Variants in CCDC25 observed in about 807,000 individuals in gnomAD.
CCDC25 encodes the protein coiled-coil domain containing 25.
CCDC25 carries 16 observed loss-of-function variants against 35.3 expected under a neutral mutation model. That is an observed-to-expected ratio of 0.45 (90% CI 0.31 to 0.69). CCDC25 has a LOEUF of 0.69. CCDC25 is among the 30% of genes least tolerant of loss of function. The pLI, the probability that CCDC25 is intolerant of heterozygous loss-of-function variation, is 0.06. For synonymous variants in CCDC25, 79 were observed against 80.3 expected, an observed-to-expected ratio of 0.98 and a Z score of 0.09; for missense variants, 179 against 250.7, an observed-to-expected ratio of 0.71 and a Z score of 1.93.
At chr8:27,764,951 C>T (rs1271428608) in intron 2 of CCDC25, among the ~76,000 whole-genome samples, 1 of 152,204 alleles carries the variant, frequency 6.6e-6, no homozygotes, top group Non-Finnish European at 1.5e-5. Flanking sequence ...CATATTAACA[C>T]TTGAGTTTTA....
At position 27,737,333 on chromosome 8, in the gene CCDC25, C is replaced by T. The variant is rs1803269309; in HGVS notation, c.598-1088G>A. The stretch of plus-strand genomic sequence containing the variant: ...AAGAGTCATTTAGTATCTTCAAATG[C>T]CAGCTTTAGATCCCAAACACTGAGG... On this transcript the variant is annotated intron_variant, in intron 8 of 8. Transcript: ENST00000356537. The surrounding 1 kb of genome is among the most constrained non-coding windows in gnomAD (Gnocchi z 4.6). Among the ~76,000 whole-genome samples the T allele has an allele frequency of 6.6e-6, 1 of 152,134 alleles. No individual in the cohort carries two copies. Among genetic ancestry groups the T allele is most frequent in the African/African-American group, 2.4e-5 (1 of 41,426 alleles).
At chr8:27,764,526 G>A (rs897892622) in intron 2 of CCDC25, 8 of 341,436 alleles carry the variant, frequency 2.3e-5, no homozygotes, top group Non-Finnish European at 4.1e-5. Context: ...TGATCCTCTC[G>A]CCTCAGCCTG....
At chr8:27,771,852 GAAT>G (rs1804630793) in intron 1 of CCDC25, 1 of 152,184 alleles carries the variant, frequency 6.6e-6, no homozygotes, top group African/African-American at 2.4e-5. Flanking sequence ...TAGGAAAGGG[GAAT>G]AACAGGAACA....
chr8:27,736,772 A>C (rs1803245187), intron 8 of CCDC25, among the ~76,000 whole-genome samples: 1 of 152,188 alleles, frequency 6.6e-6, no homozygotes, highest in African/African-American at 2.4e-5. Context: ...TAGTTTACCA[A>C]CTTAGTTGGT....
intron 5 of CCDC25, 44 bp from the exon 6 acceptor site, chr8:27,748,642 G>A: frequency 1.4e-6 from 2 of 1,413,494 alleles, no homozygotes; most frequent in South Asian, 1.2e-5. Flanking sequence ...GGATGAGACT[G>A]AGCAATGTGT....
chr8:27,771,702 C>T (rs1046206258), intron 1 of CCDC25, among the ~76,000 whole-genome samples: 6 of 152,098 alleles, frequency 3.9e-5, no homozygotes, highest in Admixed American at 6.6e-5. Flanking sequence ...AAGTGCAATG[C>T]CAAAGGCATA....
At chr8:27,761,819 T>G (rs1804238464) in intron 3 of CCDC25, among the ~76,000 whole-genome samples, 1 of 152,210 alleles carries the variant, frequency 6.6e-6, no homozygotes, top group Admixed American at 6.5e-5. Context: ...GAAGTCTTTT[T>G]GTTTGTTTGG....
chr8:27,769,576 G>A (rs781727508), intron 1 of CCDC25, among the ~76,000 whole-genome samples: 1 of 152,190 alleles, frequency 6.6e-6, no homozygotes, highest in African/African-American at 2.4e-5. Flanking sequence ...GCCTATAAGG[G>A]TATATGATTT....
intron 1 of CCDC25, among the ~76,000 whole-genome samples, chr8:27,768,696 C>T (rs1585379048): frequency 6.6e-6 from 1 of 152,020 alleles, no homozygotes; most frequent in East Asian, 1.9e-4. Flanking sequence ...ATTTGTTATT[C>T]TCATCTAAAT....
At chr8:27,761,560 G>T (rs1411343653) in intron 3 of CCDC25, among the ~76,000 whole-genome samples, 2 of 152,174 alleles carry the variant, frequency 1.3e-5, no homozygotes, top group African/African-American at 4.8e-5. Flanking sequence ...TATCTTCAGG[G>T]ATAGCATTTG....
At chr8:27,756,645 T>A in intron 4 of CCDC25, 74 bp downstream of exon 4, 1 of 1,037,202 alleles carries the variant, frequency 9.6e-7, no homozygotes, top group Non-Finnish European at 1.5e-6. Flanking sequence ...AGCAATTTAA[T>A]TGCAAAGGAT....
At chr8:27,748,709 C>T in intron 5 of CCDC25, 111 bp from the exon 6 acceptor site, 2 of 739,714 alleles carry the variant, frequency 2.7e-6, no homozygotes, top group Non-Finnish European at 4.6e-6. Flanking sequence ...TTAGAACGAA[C>T]AGGCCACCCC....
At chr8:27,762,213 G>A (rs891941331) in intron 3 of CCDC25, among the ~76,000 whole-genome samples, 1 of 152,166 alleles carries the variant, frequency 6.6e-6, no homozygotes, top group Non-Finnish European at 1.5e-5. Flanking sequence ...GTGTCCTAGA[G>A]GCCTTTGCTC....
chr8:27,736,352 G>T, intron 8 of CCDC25, 107 bp from the exon 9 acceptor site: 1 of 849,148 alleles, frequency 1.2e-6, no homozygotes. Flanking sequence ...CAGTCACTGA[G>T]TTCAGAAAGT....
In CCDC25 at chr8:27,736,899, C is replaced by T. The variant is rs1004753693; in HGVS notation, c.598-654G>A. 3.3e-5 allele frequency among the ~76,000 whole-genome samples: 5 copies of T among 152,226 alleles called. No individual in the cohort carries two copies. In the South Asian group the frequency reaches 8.3e-4, roughly 25 times the overall value. On this transcript the variant is annotated intron_variant, in intron 8 of 8. Transcript: ENST00000356537. ...GCCACACACAAAGGTAGAGCCCTGA[C>T]TCCTTTTTGGACAACATTCACTAAG...
At position 27,733,453 on chromosome 8, in the gene CCDC25, C is replaced by G. The variant is rs960661346; in HGVS notation, c.*2763G>C. 1 of 152,222 alleles carries G rather than the reference C, an allele frequency of 6.6e-6. No individual in the cohort carries two copies. Among genetic ancestry groups the G allele is most frequent in the Admixed American group, 6.5e-5 (1 of 15,276 alleles). 9.4% of individuals were successfully genotyped at this position (152,222 alleles called of 1,614,324 possible). A position where few individuals can be genotyped will look rare whatever the true frequency, so the allele number is the denominator to read the frequency against. On this transcript the variant is annotated 3_prime_UTR_variant, in exon 9 of 9. Coordinates refer to ENST00000356537, the MANE Select transcript of CCDC25 (RefSeq NM_018246.3). The stretch of plus-strand genomic sequence containing the variant: ...GTCTCTTGCCCACGCTGAACTCACA[C>G]GTGCCCGGCAGGAAGGAGCTCTCAC...
At chr8:27,743,429 G>T (rs960372326) in intron 7 of CCDC25, among the ~76,000 whole-genome samples, 11 of 152,208 alleles carry the variant, frequency 7.2e-5, no homozygotes, top group African/African-American at 2.7e-4. Context: ...TGCATGGACT[G>T]GCCCCTTGAT....
intron 7 of CCDC25, among the ~76,000 whole-genome samples, chr8:27,744,077 A>T (rs7823365): frequency 0.87 from 132,958 of 152,232 alleles, 58,215 homozygotes; most frequent in Non-Finnish European, 0.9. Context: ...GAGGACCCTA[A>T]GGAAGAAAGC....
At chr8:27,740,783 C>T (rs7825085) in intron 7 of CCDC25, among the ~76,000 whole-genome samples, 64,523 of 152,114 alleles carry the variant, frequency 0.42, 14,342 homozygotes, top group Middle Eastern at 0.51. Flanking sequence ...AATAACTTGG[C>T]GAGACAGGTG....
Sources: gnomAD v4.1 joint callset for allele counts (sites outside exome capture counted in the v4.1 genomes callset) on GRCh38, gnomAD v4.1.1 for gene constraint, Gnocchi (gnomAD v3.1) non-coding constraint, MANE v1.5 for transcripts, NCBI Gene and HGNC (gene_info 2026-07-23, HGNC 2026-07-21) for gene names.